The following TANC1 variants were observed in gnomAD, a reference collection of about 807,000 sequenced individuals.
TANC1 encodes protein TANC1.
A neutral mutation model predicts 149.7 loss-of-function variants in TANC1; 77 were observed. That is an observed-to-expected ratio of 0.51 (90% CI 0.43 to 0.62). The LOEUF is 0.62. Among genes scored for constraint, TANC1 ranks in the 20% least tolerant of loss-of-function variants. The pLI is 0.00. For missense variants in TANC1, 1,985 were observed against 2,321.8 expected, an observed-to-expected ratio of 0.85 and a Z score of 2.98; for synonymous variants, 854 against 925.0, an observed-to-expected ratio of 0.92 and a Z score of 1.39.
chr2:159,129,878 C>G (rs1316662989), intron 4 of TANC1, among the ~76,000 whole-genome samples: 1 of 152,214 alleles, frequency 6.6e-6, no homozygotes, highest in African/African-American at 2.4e-5. Flanking sequence ...TTCACTTGAA[C>G]CTGACTGGAG....
chr2:159,119,655 A>G (rs1049879991), intron 4 of TANC1, among the ~76,000 whole-genome samples: 2 of 152,148 alleles, frequency 1.3e-5, no homozygotes, highest in African/African-American at 4.8e-5. Flanking sequence ...ACTGATAGGA[A>G]GTCAGATGCG....
At chr2:159,083,638 C>T (rs1018733714) in intron 3 of TANC1, among the ~76,000 whole-genome samples, 4 of 152,120 alleles carry the variant, frequency 2.6e-5, no homozygotes, top group Admixed American at 6.5e-5. Context: ...AGCTATTGAA[C>T]GTAATTTTGA....
intron 5 of TANC1, among the ~76,000 whole-genome samples, chr2:159,140,202 A>T (rs1324362117): frequency 6.6e-6 from 1 of 151,898 alleles, no homozygotes; most frequent in African/African-American, 2.4e-5. Context: ...AGCCTGGGAG[A>T]CAGAGTGAGA....
At chr2:159,134,923 A>AT (rs1160536878) in intron 4 of TANC1, among the ~76,000 whole-genome samples, 1 of 152,082 alleles carries the variant, frequency 6.6e-6, no homozygotes, top group South Asian at 2.1e-4. Flanking sequence ...TAGCCTTTTA[A>AT]TTTTTTTTAA....
At chr2:159,063,886 G>T (rs565567766) in intron 2 of TANC1, among the ~76,000 whole-genome samples, 1 of 152,108 alleles carries the variant, frequency 6.6e-6, no homozygotes, top group South Asian at 2.1e-4. Flanking sequence ...CTGCCAACTG[G>T]TGATGACCTG....
intron 2 of TANC1, among the ~76,000 whole-genome samples, chr2:159,009,761 C>T (rs1027455826): frequency 1.3e-5 from 2 of 151,938 alleles, no homozygotes; most frequent in African/African-American, 4.8e-5. Flanking sequence ...TGAATGTCCC[C>T]AACACAAAGA....
At chr2:159,039,690 ATTT>A (rs2040476722) in intron 2 of TANC1, among the ~76,000 whole-genome samples, 3 of 152,068 alleles carry the variant, frequency 2.0e-5, no homozygotes, top group Non-Finnish European at 4.4e-5. Flanking sequence ...CTGAGTTCTA[ATTT>A]GATTGCACTA....
Position 159,134,196 on chromosome 2 carries a change from G to A in TANC1, c.260-1998G>A, listed in dbSNP as rs1211081854. Reference sequence around the variant, plus strand: ...GTCTTCTACTACCCCTTCTCTTACTGATGTAAAATGTTTCCTATCTTTGTG... The same window carrying A: ...GTCTTCTACTACCCCTTCTCTTACTAATGTAAAATGTTTCCTATCTTTGTG... On this transcript the variant is annotated intron_variant, in intron 4 of 26. Coordinates refer to ENST00000263635, the MANE Select transcript of TANC1 (RefSeq NM_033394.3). Among the ~76,000 whole-genome samples, 3 of 152,186 alleles carry A rather than the reference G, an allele frequency of 2.0e-5. No homozygotes were observed. The East Asian group carries it at 5.8e-4, about 29-fold the overall frequency.
intron 1 of TANC1, among the ~76,000 whole-genome samples, chr2:158,998,511 T>C (rs1418475939): frequency 3.9e-5 from 6 of 152,332 alleles, no homozygotes. Context: ...CACAGCACAG[T>C]TGACGCTATG....
chr2:159,104,593 G>A (rs1350879392), intron 4 of TANC1, among the ~76,000 whole-genome samples: 1 of 94,070 alleles, frequency 1.1e-5, no homozygotes, highest in African/African-American at 2.9e-5. Context: ...GTGTCACCCA[G>A]GCTGGAGTGC....
chr2:158,989,485 C>G (rs1250337383), intron 1 of TANC1, among the ~76,000 whole-genome samples: 1 of 151,732 alleles, frequency 6.6e-6, no homozygotes, highest in Non-Finnish European at 1.5e-5. Context: ...TGGCTCATGC[C>G]TATAGTCCCA....
intron 20 of TANC1, among the ~76,000 whole-genome samples, chr2:159,217,860 G>C (rs1284443913): frequency 6.6e-6 from 1 of 152,232 alleles, no homozygotes; most frequent in Non-Finnish European, 1.5e-5. Context: ...CCAGGTCAGA[G>C]ACACAGCCAC....
chr2:158,977,315 A>C (rs1351428227), intron 1 of TANC1, among the ~76,000 whole-genome samples: 1 of 151,504 alleles, frequency 6.6e-6, no homozygotes, highest in East Asian at 1.9e-4. Flanking sequence ...TAATTAAAAA[A>C]AAATTTTTTT....
At chr2:159,084,015 G>A (rs1302398541) in intron 3 of TANC1, among the ~76,000 whole-genome samples, 2 of 152,216 alleles carry the variant, frequency 1.3e-5, no homozygotes, top group African/African-American at 4.8e-5. Context: ...GCTTTGGGAG[G>A]CCGAGGCGGG....
chr2:159,138,190 CT>C (rs2050964431), intron 5 of TANC1, among the ~76,000 whole-genome samples: 2 of 152,136 alleles, frequency 1.3e-5, no homozygotes, highest in Admixed American at 6.6e-5. Flanking sequence ...GTTATGAGAT[CT>C]ATGGGCTACA....
chr2:159,172,422 A>C, intron 11 of TANC1, 150 bp downstream of exon 11: 2 of 759,428 alleles, frequency 2.6e-6, no homozygotes, highest in Non-Finnish European at 4.2e-6. Context: ...CAGTTCTCCA[A>C]GTAAAAGTGT....
chr2:159,049,386 G>T (rs1019757703), intron 2 of TANC1, among the ~76,000 whole-genome samples: 1 of 152,004 alleles, frequency 6.6e-6, no homozygotes, highest in East Asian at 1.9e-4. Context: ...GATTCAAGAA[G>T]AATTTATGTA....
At chr2:159,205,548 C>T (rs1461218821) in intron 19 of TANC1, among the ~76,000 whole-genome samples, 1 of 152,218 alleles carries the variant, frequency 6.6e-6, no homozygotes, top group Non-Finnish European at 1.5e-5. Flanking sequence ...ACAAGTACCA[C>T]CGTGTTACAG....
rs1039723911 is a variant in TANC1 at position 159,097,184 on chromosome 2, C to T, written c.62-453C>T. 5.9e-5 allele frequency among the ~76,000 whole-genome samples: 9 copies of T among 152,226 alleles called. No homozygotes were observed. The South Asian group carries it at 1.5e-3, about 25-fold the overall frequency. ...TGGGGAGGAATGTGGATGTAGACTA[C>T]ACTCTCACTTAGTCTTTTCTTATTA... is the stretch of plus-strand genomic sequence containing the variant. On this transcript the variant is annotated intron_variant, in intron 3 of 26. Coordinates refer to ENST00000263635, the MANE Select transcript of TANC1 (RefSeq NM_033394.3).
Sources: allele counts gnomAD v4.1 joint callset (sites outside exome capture counted in the v4.1 genomes callset), GRCh38; gene constraint gnomAD v4.1.1; transcripts MANE v1.5; gene names NCBI Gene and HGNC (gene_info 2026-07-23, HGNC 2026-07-21).